The following GRIP1 variants were observed in gnomAD, a reference collection of about 807,000 sequenced individuals.
GRIP1 encodes glutamate receptor interacting protein 1, also known as glutamate receptor-interacting protein 1.
Under a neutral mutation model 129.9 loss-of-function variants are expected in GRIP1, and 45 were observed. The observed-to-expected ratio is 0.35, with a 90% CI of 0.27 to 0.44. GRIP1 has a LOEUF of 0.44. Among genes scored for constraint, GRIP1 ranks in the 20% least tolerant of loss-of-function variants. The pLI, the probability that GRIP1 is intolerant of heterozygous loss-of-function variation, is 1.00. For synonymous variants in GRIP1, 530 were observed against 520.8 expected, an observed-to-expected ratio of 1.02 and a Z score of -0.24; for missense variants, 1,196 against 1,396.8, an observed-to-expected ratio of 0.86 and a Z score of 2.29.
intron 15 of GRIP1, among the ~76,000 whole-genome samples, chr12:66,411,288 C>T (rs764651393): frequency 2.6e-5 from 4 of 152,134 alleles, no homozygotes; most frequent in Non-Finnish European, 5.9e-5. Context: ...GGAGAAGGCT[C>T]CCATCTTTGC....
intron 1 of GRIP1, among the ~76,000 whole-genome samples, chr12:66,985,270 G>A (rs1019925855): frequency 1.3e-5 from 2 of 150,806 alleles, no homozygotes; most frequent in Non-Finnish European, 2.9e-5. Flanking sequence ...CCAACCAATC[G>A]ATAGTAAGAA....
At chr12:66,844,265 C>A (rs2039773702) in intron 1 of GRIP1, among the ~76,000 whole-genome samples, 1 of 152,038 alleles carries the variant, frequency 6.6e-6, no homozygotes, top group Admixed American at 6.6e-5. Flanking sequence ...ATCAAACAAC[C>A]TGATTTTAAA....
At chr12:66,976,757 A>C (rs1437651303) in intron 1 of GRIP1, among the ~76,000 whole-genome samples, 1 of 152,198 alleles carries the variant, frequency 6.6e-6, no homozygotes, top group South Asian at 2.1e-4. Context: ...TCTGGCCAAA[A>C]GAGTATTTCA....
intron 1 of GRIP1, among the ~76,000 whole-genome samples, chr12:66,944,790 GTTTGT>G (rs1346208614): frequency 6.7e-6 from 1 of 148,296 alleles, no homozygotes; most frequent in East Asian, 2.1e-4. Flanking sequence ...GTGTTTTGTT[GTTTGT>G]TTTGTTTTGT....
chr12:66,534,367 A>G (rs2061548077), intron 4 of GRIP1, among the ~76,000 whole-genome samples: 1 of 152,130 alleles, frequency 6.6e-6, no homozygotes, highest in Admixed American at 6.5e-5. Flanking sequence ...TTAGGATATC[A>G]CTTCTCTTTT....
Position 66,785,343 on chromosome 12 carries a change from C to CATATATATATATATATATATATAT in GRIP1, c.-420+18709_-420+18710insATATATATATATATATATATATAT, listed in dbSNP as rs199738180. ...ACATACATACATACATACATACATA[C>CATATATATATATATATATATATAT]ATATATATATATATATATATTAGTT... On this transcript the variant is annotated intron_variant, in intron 1 of 4. Coordinates refer to the GRIP1 transcript ENST00000538373. Among the ~76,000 whole-genome samples, 511 of 72,598 alleles carry CATATATATATATATATATATATAT rather than the reference C, an allele frequency of 7.0e-3. 16 individuals are homozygous for CATATATATATATATATATATATAT. The highest frequency in any genetic ancestry group is 0.011 in the Non-Finnish European group (380 of 35,934). 47.6% of individuals were successfully genotyped at this position (72,598 alleles called of 152,430 possible). A position where few individuals can be genotyped will look rare whatever the true frequency, so the allele number is the denominator to read the frequency against.
chr12:66,924,143 C>G (rs2041258155), intron 1 of GRIP1, among the ~76,000 whole-genome samples: 1 of 152,140 alleles, frequency 6.6e-6, no homozygotes, highest in African/African-American at 2.4e-5. Flanking sequence ...CCATGCCCAG[C>G]CAATTTTTTG....
chr12:66,930,827 G>T (rs1247489215), intron 1 of GRIP1, among the ~76,000 whole-genome samples: 1 of 152,118 alleles, frequency 6.6e-6, no homozygotes, highest in Non-Finnish European at 1.5e-5. Flanking sequence ...CCAAACAAGT[G>T]ATTTAGAGAG....
intron 2 of GRIP1, among the ~76,000 whole-genome samples, chr12:66,579,402 T>C (rs1166754046): frequency 3.9e-5 from 6 of 152,198 alleles, no homozygotes. Context: ...GGAACAAAGC[T>C]GGACGGAGAA....
At chr12:66,358,380 G>A (rs1339515101) in intron 23 of GRIP1, among the ~76,000 whole-genome samples, 1 of 152,066 alleles carries the variant, frequency 6.6e-6, no homozygotes, top group East Asian at 1.9e-4. Context: ...TCCCCGATCT[G>A]GAATCAGCTA....
chr12:66,979,943 T>G (rs1289579906), intron 1 of GRIP1, among the ~76,000 whole-genome samples: 1 of 152,068 alleles, frequency 6.6e-6, no homozygotes, highest in African/African-American at 2.4e-5. Context: ...ACTTCTAACC[T>G]CCAGAACTGA....
chr12:66,886,155 A>G (rs1195579457), intron 1 of GRIP1, among the ~76,000 whole-genome samples: 3 of 152,066 alleles, frequency 2.0e-5, no homozygotes, highest in African/African-American at 7.2e-5. Flanking sequence ...AGTCCCAGCT[A>G]GTTGGGAGGC....
chr12:66,955,545 T>C (rs2041827735), intron 1 of GRIP1, among the ~76,000 whole-genome samples: 1 of 145,302 alleles, frequency 6.9e-6, no homozygotes, highest in Admixed American at 7.0e-5. Context: ...CTCACTCTTG[T>C]CGCCCAGGCT....
chr12:66,864,318 T>C (rs529145698), intron 1 of GRIP1, among the ~76,000 whole-genome samples: 1 of 152,030 alleles, frequency 6.6e-6, no homozygotes, highest in South Asian at 2.1e-4. Context: ...ATCATTATAC[T>C]TATTAACTTG....
At chr12:66,505,780 A>C (rs2060510999) in intron 7 of GRIP1, among the ~76,000 whole-genome samples, 1 of 152,242 alleles carries the variant, frequency 6.6e-6, no homozygotes. Flanking sequence ...TTCAGTAGCC[A>C]GGATGAGTTT....
In GRIP1 at chr12:66,691,735, A is replaced by C. The variant is rs934861365; in HGVS notation, c.-419-61399T>G. ...CTTTATTTTTAGAAATGACATTAAA[A>C]TTAGTCCCTAGGAAGAGAGTCCTTC... On this transcript the variant is annotated intron_variant, in intron 1 of 4. Coordinates refer to the GRIP1 transcript ENST00000538373. Among the ~76,000 whole-genome samples, 128 of 152,318 alleles carry C rather than the reference A, an allele frequency of 8.4e-4. 1 individual carries two copies. Among genetic ancestry groups the C allele is most frequent in the African/African-American group, 2.9e-3 (121 of 41,566 alleles).
At chr12:66,527,554 T>G (rs977301197) in intron 5 of GRIP1, among the ~76,000 whole-genome samples, 1 of 151,884 alleles carries the variant, frequency 6.6e-6, no homozygotes, top group Non-Finnish European at 1.5e-5. Context: ...GGGATAGCAT[T>G]AGGAGATATA....
chr12:66,701,770 C>T (rs2035361838), intron 1 of GRIP1, among the ~76,000 whole-genome samples: 1 of 152,188 alleles, frequency 6.6e-6, no homozygotes, highest in Non-Finnish European at 1.5e-5. Flanking sequence ...TAAATACCTG[C>T]TGATCAATTA....
At chr12:66,632,902 T>A (rs556067775) in intron 1 of GRIP1, among the ~76,000 whole-genome samples, 2 of 152,184 alleles carry the variant, frequency 1.3e-5, no homozygotes, top group African/African-American at 4.8e-5. Flanking sequence ...TGGGATTGAT[T>A]CTATTTTATA....
Sources: allele counts gnomAD v4.1 joint callset (sites outside exome capture counted in the v4.1 genomes callset), GRCh38; gene constraint gnomAD v4.1.1; transcripts MANE v1.5; gene names NCBI Gene and HGNC (gene_info 2026-07-23, HGNC 2026-07-21).